KLF13: variants seen among roughly 807,000 people sequenced by gnomAD.
KLF13 encodes KLF transcription factor 13, also known as Krueppel-like factor 13.
Under a neutral mutation model 16.7 loss-of-function variants are expected in KLF13, and 8 were observed. The observed-to-expected ratio is 0.48, with a 90% CI of 0.28 to 0.87. The LOEUF (loss-of-function observed/expected upper bound fraction) is 0.87, where lower values mean the gene tolerates loss of function less well. KLF13 is among the 40% of genes least tolerant of loss of function. KLF13 has a pLI of 0.10. For synonymous variants in KLF13, 245 were observed against 208.4 expected (o/e 1.18, Z -1.51); for missense variants, 447 against 452.2 (o/e 0.99, Z 0.10).
intron 1 of KLF13, among the ~76,000 whole-genome samples, chr15:31,364,741 C>T (rs967318968): frequency 6.6e-6 from 1 of 152,272 alleles, no homozygotes; most frequent in Admixed American, 6.5e-5. Context: ...AGCTCACTCT[C>T]TCCTCCTGGG....
At chr15:31,330,225 C>T (rs1340073658) in intron 1 of KLF13, among the ~76,000 whole-genome samples, 2 of 152,178 alleles carry the variant, frequency 1.3e-5, no homozygotes, top group Non-Finnish European at 2.9e-5. Flanking sequence ...TTTGCTGCAG[C>T]CGTGGGCTCT....
At chr15:31,329,901 C>T (rs2038797072) in intron 1 of KLF13, among the ~76,000 whole-genome samples, 1 of 152,168 alleles carries the variant, frequency 6.6e-6, no homozygotes, top group Non-Finnish European at 1.5e-5. Flanking sequence ...TTTCCGGGCC[C>T]CTGATGCCGA....
At position 31,327,672 on chromosome 15, in the gene KLF13, G is replaced by A. The variant is rs747301995; in HGVS notation, c.460G>A (p.Gly154Ser). 8.6e-6 allele frequency: 13 copies of A among 1,512,780 alleles called. No individual in the cohort carries two copies. The highest frequency in any genetic ancestry group is 9.8e-6 in the Non-Finnish European group (11 of 1,126,784). The allele number at this position is 1,512,780 out of a possible 1,614,324, so 93.7% of individuals were successfully genotyped here. A position where few individuals can be genotyped will look rare whatever the true frequency, so the allele number is the denominator to read the frequency against. Residue 154 changes from glycine to serine, a missense_variant, in exon 1 of 2, where the codon GGC becomes AGC. By Grantham distance (56) the Gly-to-Ser change is moderately conservative. Around this residue, in one of 2 missense-constraint regions of KLF13, gnomAD observed 359 missense variants for 282.8 expected, o/e 1.27. Coordinates refer to ENST00000307145, the MANE Select transcript of KLF13 (RefSeq NM_015995.4). The stretch of plus-strand genomic sequence containing the variant: ...CGGCCTCAGACAAAGGGTCCGGCGG[G>A]GCCGAAGTCGCGCCGACCTCGAGTC... ...EPGLRQRVRR[G>S]RSRADLESPQ...
intron 1 of KLF13, among the ~76,000 whole-genome samples, chr15:31,412,149 C>G (rs1019473691): frequency 6.6e-6 from 1 of 152,162 alleles, no homozygotes; most frequent in African/African-American, 2.4e-5. Context: ...ATAAAAAAGG[C>G]TCAAGGGAGC....
At chr15:31,367,276 G>A (rs1334849772) in intron 1 of KLF13, among the ~76,000 whole-genome samples, 4 of 152,192 alleles carry the variant, frequency 2.6e-5, no homozygotes, top group South Asian at 4.1e-4. Context: ...TTCATTGGCC[G>A]TCACCTCTCT....
At chr15:31,336,960 C>T (rs1023461030) in intron 1 of KLF13, among the ~76,000 whole-genome samples, 1 of 152,212 alleles carries the variant, frequency 6.6e-6, no homozygotes, top group African/African-American at 2.4e-5. Flanking sequence ...GGTTCCCACA[C>T]ATCCGAATCT....
At chr15:31,383,260 G>T (rs1431829412) in intron 1 of KLF13, among the ~76,000 whole-genome samples, 3 of 152,212 alleles carry the variant, frequency 2.0e-5, no homozygotes, top group Non-Finnish European at 4.4e-5. Flanking sequence ...CTGTTGGCCT[G>T]TGGGGGCGGA....
chr15:31,371,678 G>A (rs2039556408), intron 1 of KLF13, among the ~76,000 whole-genome samples: 1 of 152,264 alleles, frequency 6.6e-6, no homozygotes. Context: ...GCATGGGTGT[G>A]TAGTGCAGCC....
downstream of KLF13, among the ~76,000 whole-genome samples, chr15:31,380,693 A>G (rs2140975193): frequency 6.6e-6 from 1 of 152,324 alleles, no homozygotes; most frequent in Admixed American, 6.5e-5. Context: ...AATTCCTGCC[A>G]TTGGCACCAC....
upstream of KLF13, among the ~76,000 whole-genome samples, chr15:31,391,720 G>A (rs1323306420): frequency 6.6e-6 from 1 of 151,698 alleles, no homozygotes; most frequent in East Asian, 1.9e-4. Flanking sequence ...GGGGGCTGTG[G>A]GGGGCTGTGT....
intron 1 of KLF13, among the ~76,000 whole-genome samples, chr15:31,371,605 C>A (rs185232016): frequency 1.1e-4 from 16 of 152,204 alleles, no homozygotes; most frequent in African/African-American, 3.9e-4. Context: ...GGCTGGACTC[C>A]GGGAGGCCTG....
intron 1 of KLF13, among the ~76,000 whole-genome samples, chr15:31,432,452 CT>C (rs35966086): frequency 0.019 from 2,133 of 115,194 alleles, 39 homozygotes; most frequent in African/African-American, 0.049. Flanking sequence ...TCTTTCTTTC[CT>C]TTTTTTTTTT....
At position 31,375,331 on chromosome 15, in the gene KLF13, C is replaced by G. The variant is rs557850469; in HGVS notation, c.*3032C>G. 1 of 152,334 alleles carries G rather than the reference C, an allele frequency of 6.6e-6. No individual in the cohort carries two copies. Among genetic ancestry groups the G allele is most frequent in the East Asian group, 1.9e-4 (1 of 5,182 alleles). The allele number at this position is 152,334 out of a possible 1,614,324, so 9.4% of individuals were successfully genotyped here. ...AGGCGGGCACACAAGGCGGACCCTC[C>G]TGAAACAGCCTCCATTTTCTTCAAA... On this transcript the variant is annotated 3_prime_UTR_variant, in exon 2 of 2. Coordinates refer to ENST00000307145, the MANE Select transcript of KLF13 (RefSeq NM_015995.4).
chr15:31,422,601 C>T (rs1489031367), intron 1 of KLF13, among the ~76,000 whole-genome samples: 2 of 152,100 alleles, frequency 1.3e-5, no homozygotes, highest in Non-Finnish European at 2.9e-5. Flanking sequence ...CCATATCAGG[C>T]TGCAAGTGAA....
chr15:31,383,280 G>A (rs1392781654), intron 1 of KLF13, among the ~76,000 whole-genome samples: 1 of 152,238 alleles, frequency 6.6e-6, no homozygotes. Context: ...AACATGCTCA[G>A]AGCAGGGAGG....
Position 31,327,031 on chromosome 15 carries a change from C to A in KLF13, c.-182C>A. ...CTTCGGTGCCCGGCCGGGCCGGCGCCTCGCAGACGCGGAGCCGCGCGGGTG... is the reference window on the plus strand; with the variant it reads ...CTTCGGTGCCCGGCCGGGCCGGCGCATCGCAGACGCGGAGCCGCGCGGGTG... On this transcript the variant is annotated 5_prime_UTR_variant, in exon 1 of 2. Transcript: ENST00000307145. 2.6e-6 allele frequency: 1 copy of A among 383,580 alleles called. No individual in the cohort carries two copies. Among genetic ancestry groups the A allele is most frequent in the Non-Finnish European group, 3.7e-6 (1 of 268,442 alleles). The allele number at this position is 383,580 out of a possible 1,614,324, so 23.8% of individuals were successfully genotyped here.
chr15:31,410,628 C>A (rs2040182836), intron 1 of KLF13, among the ~76,000 whole-genome samples: 1 of 142,910 alleles, frequency 7.0e-6, no homozygotes, highest in African/African-American at 2.6e-5. Flanking sequence ...CACACACACC[C>A]CTATAACATC....
chr15:31,351,796 G>A (rs752318565), intron 1 of KLF13, among the ~76,000 whole-genome samples: 76 of 152,240 alleles, frequency 5.0e-4, no homozygotes, highest in Middle Eastern at 3.4e-3. Flanking sequence ...CAGATCTTGA[G>A]GTCAGGAGTT....
chr15:31,367,718 A>G (rs566669486), intron 1 of KLF13, among the ~76,000 whole-genome samples: 45 of 152,304 alleles, frequency 3.0e-4, no homozygotes, highest in African/African-American at 8.4e-4. Flanking sequence ...AATGACTAAG[A>G]GCAACAATAA....
Sources: gnomAD v4.1 joint callset for allele counts (sites outside exome capture counted in the v4.1 genomes callset) on GRCh38, gnomAD v4.1.1 for gene constraint, gnomAD v4.1.1 regional missense constraint, MANE v1.5 for transcripts, NCBI Gene and HGNC (gene_info 2026-07-23, HGNC 2026-07-21) for gene names.